CPQ: variants seen among roughly 807,000 people sequenced by gnomAD.
The protein encoded by CPQ is carboxypeptidase Q.
A neutral mutation model predicts 45.7 loss-of-function variants in CPQ; 37 were observed. The observed-to-expected ratio is 0.81, with a 90% CI of 0.62 to 1.07. CPQ has a LOEUF of 1.07. CPQ is among the 50% of genes least tolerant of loss of function. The pLI, the probability that CPQ is intolerant of heterozygous loss-of-function variation, is 0.00. For synonymous variants in CPQ, 186 were observed against 205.8 expected (o/e 0.90, Z 0.82); for missense variants, 537 against 572.9 (o/e 0.94, Z 0.64).
At chr8:96,695,883 C>T (rs1257628153) in intron 1 of CPQ, among the ~76,000 whole-genome samples, 2 of 149,788 alleles carry the variant, frequency 1.3e-5, no homozygotes, top group African/African-American at 2.5e-5. Flanking sequence ...GTCAGTGTGG[C>T]GATTCCTCAG....
chr8:96,896,347 A>C (rs928239624), intron 4 of CPQ, among the ~76,000 whole-genome samples: 1 of 152,124 alleles, frequency 6.6e-6, no homozygotes, highest in Non-Finnish European at 1.5e-5. Flanking sequence ...TCTGGCATTC[A>C]AAGCTTTAAA....
At chr8:96,690,122 G>T (rs11992461) in intron 1 of CPQ, among the ~76,000 whole-genome samples, 1 of 151,900 alleles carries the variant, frequency 6.6e-6, no homozygotes, top group African/African-American at 2.4e-5. Context: ...ATTTATAGAG[G>T]TATGTGCTTA....
intron 5 of CPQ, among the ~76,000 whole-genome samples, chr8:96,984,541 G>C (rs1179091225): frequency 6.6e-6 from 1 of 152,196 alleles, no homozygotes; most frequent in Non-Finnish European, 1.5e-5. Flanking sequence ...TTTGGAAGCA[G>C]AGACTGGATC....
chr8:97,007,404 G>A (rs1809402054), intron 5 of CPQ, among the ~76,000 whole-genome samples: 1 of 152,120 alleles, frequency 6.6e-6, no homozygotes, highest in Non-Finnish European at 1.5e-5. Context: ...ACATGCAAAT[G>A]CCACTAAGAA....
chr8:96,761,220 T>C (rs1191522641), intron 1 of CPQ: 1 of 152,194 alleles, frequency 6.6e-6, no homozygotes, highest in African/African-American at 2.4e-5. Context: ...GTTAAGCTTT[T>C]GGCTTGTGGG....
intron 5 of CPQ, among the ~76,000 whole-genome samples, chr8:97,001,601 A>T (rs1347482007): frequency 3.3e-5 from 5 of 150,780 alleles, no homozygotes. Context: ...AGCCTACTTG[A>T]TTGTGGTGGA....
chr8:96,705,655 C>T (rs1298120382), intron 1 of CPQ, among the ~76,000 whole-genome samples: 1 of 152,132 alleles, frequency 6.6e-6, no homozygotes, highest in African/African-American at 2.4e-5. Context: ...TACTTCATCA[C>T]TTTGGAGGTT....
chr8:96,849,334 T>C (rs1219746860), intron 3 of CPQ, among the ~76,000 whole-genome samples: 1 of 152,202 alleles, frequency 6.6e-6, no homozygotes, highest in Non-Finnish European at 1.5e-5. Flanking sequence ...ACTGGAAGCA[T>C]TTTCCAGTGA....
At chr8:96,816,548 G>T (rs112606649) in intron 2 of CPQ, among the ~76,000 whole-genome samples, 5 of 152,048 alleles carry the variant, frequency 3.3e-5, no homozygotes, top group African/African-American at 1.2e-4. Flanking sequence ...ATGGAATCTA[G>T]AATGGTGAAT....
intron 4 of CPQ, among the ~76,000 whole-genome samples, chr8:96,961,350 T>G (rs1264114120): frequency 6.6e-6 from 1 of 152,256 alleles, no homozygotes; most frequent in East Asian, 1.9e-4. Context: ...ATTTCTTTTC[T>G]GTGAAATGCC....
At chr8:97,002,504 T>C (rs1809302802) in intron 5 of CPQ, among the ~76,000 whole-genome samples, 1 of 152,232 alleles carries the variant, frequency 6.6e-6, no homozygotes, top group African/African-American at 2.4e-5. Flanking sequence ...GATTTCTGCC[T>C]TAATTTCATT....
intron 3 of CPQ, among the ~76,000 whole-genome samples, chr8:96,872,630 T>G (rs1271084611): frequency 6.6e-6 from 1 of 151,806 alleles, no homozygotes; most frequent in African/African-American, 2.4e-5. Flanking sequence ...TGTCTGCAAA[T>G]AAAAGAAAAC....
intron 2 of CPQ, among the ~76,000 whole-genome samples, chr8:96,825,392 C>T (rs907062591): frequency 2.6e-5 from 4 of 151,986 alleles, no homozygotes; most frequent in South Asian, 2.1e-4. Context: ...GGTTTGGAGT[C>T]GGTCTGACCT....
intron 5 of CPQ, among the ~76,000 whole-genome samples, chr8:97,026,184 A>C (rs1809796550): frequency 6.6e-6 from 1 of 152,226 alleles, no homozygotes; most frequent in South Asian, 2.1e-4. Context: ...GGCACTGACC[A>C]GAAAGGTCTA....
chr8:96,789,014 T>C (rs1171937854), intron 2 of CPQ, among the ~76,000 whole-genome samples: 1 of 151,990 alleles, frequency 6.6e-6, no homozygotes, highest in Non-Finnish European at 1.5e-5. Flanking sequence ...TTTATTGATA[T>C]TTTTTATTTG....
At chr8:97,082,047 C>G (rs906598488) in intron 7 of CPQ, among the ~76,000 whole-genome samples, 1 of 152,132 alleles carries the variant, frequency 6.6e-6, no homozygotes, top group Non-Finnish European at 1.5e-5. Flanking sequence ...AGTCTAGATT[C>G]CTACAGTACT....
At position 96,802,340 on chromosome 8, in the gene CPQ, C is replaced by CAAGCTGGTG. The variant is rs1044361447; in HGVS notation, c.433+17012_433+17020dup. Among the ~76,000 whole-genome samples, 8 of 152,250 alleles carry CAAGCTGGTG rather than the reference C, an allele frequency of 5.3e-5. No individual in the cohort carries two copies. The East Asian group carries it at 1.2e-3, about 22-fold the overall frequency. The stretch of plus-strand genomic sequence containing the variant: ...GTCTTGGAATTATAGTCACTTGAAT[C>CAAGCTGGTG]AAGCTGGTGAGTACATATTTTGTAG... On this transcript the variant is annotated intron_variant, in intron 2 of 7. Transcript: ENST00000220763.
intron 6 of CPQ, among the ~76,000 whole-genome samples, chr8:97,062,443 A>C (rs1167142662): frequency 6.6e-6 from 1 of 152,150 alleles, no homozygotes; most frequent in African/African-American, 2.4e-5. Context: ...TGTTGGGTCT[A>C]ACAGCCAAAC....
intron 1 of CPQ, among the ~76,000 whole-genome samples, chr8:96,725,744 A>G (rs1460991571): frequency 6.6e-6 from 1 of 152,206 alleles, no homozygotes; most frequent in Non-Finnish European, 1.5e-5. Context: ...TATATACCCA[A>G]AAGAAAATAA....
Sources: allele counts gnomAD v4.1 joint callset (sites outside exome capture counted in the v4.1 genomes callset), GRCh38; gene constraint gnomAD v4.1.1; transcripts MANE v1.5; gene names NCBI Gene and HGNC (gene_info 2026-07-23, HGNC 2026-07-21).